Variants in ANKRD27 observed in about 807,000 individuals in gnomAD.
ANKRD27 encodes the protein ankyrin repeat domain 27, also known as ankyrin repeat domain-containing protein 27.
ANKRD27 carries 112 observed loss-of-function variants against 129.7 expected under a neutral mutation model. The ratio of observed to expected loss-of-function variants is 0.86; its 90% CI spans 0.74 to 1.01. ANKRD27 has a LOEUF of 1.01. ANKRD27 is among the 50% of genes least tolerant of loss of function. The pLI, the probability that ANKRD27 is intolerant of heterozygous loss-of-function variation, is 0.00. For synonymous variants in ANKRD27, 516 were observed against 511.2 expected (o/e 1.01, Z -0.13); for missense variants, 1,258 against 1,300.5 (o/e 0.97, Z 0.50).
Position 32,599,869 on chromosome 19 carries a change from G to A in ANKRD27, c.2847-93C>T. 9.9e-6 allele frequency: 15 copies of A among 1,512,958 alleles called. 2 individuals are homozygous for A. The South Asian group carries it at 1.6e-4, about 16-fold the overall frequency. 93.7% of individuals were successfully genotyped at this position (1,512,958 alleles called of 1,614,324 possible). A position where few individuals can be genotyped will look rare whatever the true frequency, so the allele number is the denominator to read the frequency against. ...GGTGGCAGCATTTTTGACATTAGTAGGTGCAGATTTGTCCATAACCAATTA... is the reference window on the plus strand; with the variant it reads ...GGTGGCAGCATTTTTGACATTAGTAAGTGCAGATTTGTCCATAACCAATTA... On this transcript the variant is annotated intron_variant, in intron 27 of 28. Transcript: ENST00000306065.
chr19:32,610,964 G>C (rs1028678713), intron 22 of ANKRD27, among the ~76,000 whole-genome samples: 5 of 151,338 alleles, frequency 3.3e-5, no homozygotes, highest in Non-Finnish European at 7.4e-5. Context: ...CTGGGTGACA[G>C]AGTGAAACCC....
intron 22 of ANKRD27, among the ~76,000 whole-genome samples, chr19:32,610,988 TA>T (rs1467805374): frequency 1.1e-4 from 3 of 26,808 alleles, no homozygotes; most frequent in Non-Finnish European, 4.5e-4. Flanking sequence ...CTCTAAAAAT[TA>T]AAATAAAATA....
chr19:32,646,968 G>GGCACCCACCACC (rs1967315829), intron 3 of ANKRD27, among the ~76,000 whole-genome samples: 6 of 152,182 alleles, frequency 3.9e-5, no homozygotes, highest in Admixed American at 3.9e-4. Context: ...TGGCACTACA[G>GGCACCCACCACC]GCACCCACCA....
intron 1 of ANKRD27, among the ~76,000 whole-genome samples, chr19:32,666,714 G>A (rs1967765490): frequency 6.9e-6 from 1 of 145,840 alleles, no homozygotes; most frequent in African/African-American, 2.5e-5. Flanking sequence ...GTGCAATCTC[G>A]GCTCACTGCA....
chr19:32,642,209 T>TTAATGA, intron 9 of ANKRD27, 64 bp from the exon 10 acceptor site: 1 of 1,344,130 alleles, frequency 7.4e-7, no homozygotes, highest in Non-Finnish European at 9.7e-7. Flanking sequence ...GGCCTGGATC[T>TTAATGA]AAGAACACAT....
At chr19:32,598,886 A>C (rs1015166542) in intron 28 of ANKRD27, among the ~76,000 whole-genome samples, 7 of 152,220 alleles carry the variant, frequency 4.6e-5, no homozygotes, top group African/African-American at 1.7e-4. Flanking sequence ...CCTATGCTAC[A>C]TATGCTATAA....
At chr19:32,613,059 G>T (rs1405673026) in intron 22 of ANKRD27, among the ~76,000 whole-genome samples, 1 of 85,458 alleles carries the variant, frequency 1.2e-5, no homozygotes, top group Non-Finnish European at 3.0e-5. Flanking sequence ...CACATATCTA[G>T]AATATATAAA....
At chr19:32,656,839 C>G (rs973455084) in intron 2 of ANKRD27, among the ~76,000 whole-genome samples, 1 of 151,292 alleles carries the variant, frequency 6.6e-6, no homozygotes, top group South Asian at 2.1e-4. Flanking sequence ...GGTGAATCCT[C>G]ACCATCAAGC....
At chr19:32,643,009 G>T in intron 9 of ANKRD27, 114 bp downstream of exon 9, 1 of 1,040,948 alleles carries the variant, frequency 9.6e-7, no homozygotes, top group Non-Finnish European at 1.4e-6. Context: ...CTGCTCCTCA[G>T]AACTAACCAC....
At chr19:32,639,630 C>G (rs1007771642) in intron 11 of ANKRD27, 142 bp from the exon 12 acceptor site, 9 of 818,354 alleles carry the variant, frequency 1.1e-5, no homozygotes, top group Non-Finnish European at 1.8e-5. Flanking sequence ...CCCTGGATCT[C>G]TCTGCAGAGT....
intron 2 of ANKRD27, among the ~76,000 whole-genome samples, chr19:32,652,740 C>T (rs190576469): frequency 6.6e-6 from 1 of 151,866 alleles, no homozygotes; most frequent in Non-Finnish European, 1.5e-5. Flanking sequence ...CCAGCCTGGG[C>T]GACAGGGCAA....
At chr19:32,646,375 A>T in intron 4 of ANKRD27, 84 bp downstream of exon 4, 9 of 1,435,958 alleles carry the variant, frequency 6.3e-6, no homozygotes, top group Non-Finnish European at 8.5e-6. Flanking sequence ...GGCCTTGTTT[A>T]ACCTTTCAAC....
intron 2 of ANKRD27, among the ~76,000 whole-genome samples, chr19:32,658,685 C>T (rs1485599501): frequency 1.3e-5 from 2 of 152,126 alleles, no homozygotes; most frequent in South Asian, 2.1e-4. Flanking sequence ...TAGCCACAGG[C>T]GGGGGCCAGG....
chr19:32,599,529 G>C (rs1971619228), intron 28 of ANKRD27, among the ~76,000 whole-genome samples, 175 bp downstream of exon 28: 1 of 152,194 alleles, frequency 6.6e-6, no homozygotes, highest in African/African-American at 2.4e-5. Context: ...ATAACAATCA[G>C]TGAAGTCTGT....
At chr19:32,658,824 A>G (rs1324826408) in intron 2 of ANKRD27, 90 bp downstream of exon 2, 2 of 1,139,032 alleles carry the variant, frequency 1.8e-6, no homozygotes, top group Non-Finnish European at 2.6e-6. Flanking sequence ...AGCTGAGTTT[A>G]TAACAAACTC....
intron 1 of ANKRD27, among the ~76,000 whole-genome samples, chr19:32,669,699 CAGA>C (rs979469963): frequency 5.3e-5 from 8 of 152,056 alleles, no homozygotes; most frequent in African/African-American, 1.9e-4. Flanking sequence ...GGACCAGAGA[CAGA>C]AGAAAACAGC....
intron 1 of ANKRD27, among the ~76,000 whole-genome samples, chr19:32,674,204 T>C (rs1458002100): frequency 2.6e-5 from 4 of 152,130 alleles, no homozygotes; most frequent in Non-Finnish European, 5.9e-5. Flanking sequence ...TATCCACTGC[T>C]CTACTCTTCG....
In ANKRD27 at chr19:32,598,200, G is replaced by A. The variant is rs150349860; in HGVS notation, c.3098C>T (p.Pro1033Leu). The change falls in exon 29 of 29, where the codon CCG (proline) becomes CTG (leucine). Residue 1033 changes from proline (P) to leucine (L), a missense_variant. By Grantham distance (98) the Pro-to-Leu change is moderately conservative. Transcript: ENST00000306065. ...AGTGGAGAGGGGGCCAGCAGCCTCC[G>A]GGCCCTGGGACACGACCGCATCCTC... The part of the protein sequence containing the change: ...TVEDAVVSQG[P>L]EAAGPLSTPQ... 4.3e-6 allele frequency: 7 copies of A among 1,614,112 alleles called. No homozygotes were observed. Among genetic ancestry groups the A allele is most frequent in the Admixed American group, 1.7e-5 (1 of 60,002 alleles).
chr19:32,674,526 C>T (rs953633080), intron 1 of ANKRD27, among the ~76,000 whole-genome samples: 5 of 152,098 alleles, frequency 3.3e-5, no homozygotes, highest in South Asian at 4.2e-4. Context: ...TCTCTCGGTG[C>T]TTAAGAGTTT....
Sources: gnomAD v4.1 joint callset for allele counts (sites outside exome capture counted in the v4.1 genomes callset) on GRCh38, gnomAD v4.1.1 for gene constraint, MANE v1.5 for transcripts, NCBI Gene and HGNC (gene_info 2026-07-23, HGNC 2026-07-21) for gene names.